The following TNIK variants were observed in gnomAD, a reference collection of about 807,000 sequenced individuals.
The protein encoded by TNIK is TRAF2 and NCK-interacting protein kinase.
TNIK carries 49 observed loss-of-function variants against 191.3 expected under a neutral mutation model. The observed-to-expected ratio is 0.26, with a 90% CI of 0.20 to 0.32. The LOEUF (loss-of-function observed/expected upper bound fraction) is 0.32. Among genes scored for constraint, TNIK ranks in the 10% least tolerant of loss-of-function variants. TNIK has a pLI of 1.00. For missense variants in TNIK, 1,155 were observed against 1,702.3 expected (o/e 0.68, Z 5.66); for synonymous variants, 594 against 600.9 (o/e 0.99, Z 0.17).
chr3:171,085,149 T>C lies in TNIK; in HGVS notation c.2967A>G (p.Glu989=), dbSNP rs752143722. Residue 989 remains glutamate, a synonymous_variant, in exon 25 of 33, where the codon GAA becomes GAG. Coordinates refer to ENST00000436636, the MANE Select transcript of TNIK (RefSeq NM_015028.4). ...PRVYQTSPTD[E]DEEDEESSAA... is the part of the protein sequence containing the mutation. ...CTGATGATTCCTCATCCTCTTCATC[T>C]TCATCAGTGGGAGACGTCTGGTATA... is the stretch of plus-strand genomic sequence containing the variant. 1 of 1,611,488 alleles carries C rather than the reference T, an allele frequency of 6.2e-7. No homozygotes were observed. The highest frequency in any genetic ancestry group is 1.1e-5 in the South Asian group (1 of 90,164).
chr3:171,427,365 CT>C (rs1478712954), intron 1 of TNIK, among the ~76,000 whole-genome samples: 1 of 152,076 alleles, frequency 6.6e-6, no homozygotes, highest in African/African-American at 2.4e-5. Context: ...GAGAAAAATC[CT>C]TCCTAACTTC....
chr3:171,205,128 G>A (rs1482770872), intron 4 of TNIK, among the ~76,000 whole-genome samples: 1 of 152,156 alleles, frequency 6.6e-6, no homozygotes, highest in Non-Finnish European at 1.5e-5. Context: ...TGAGTCAGAG[G>A]CCTTGGAATA....
chr3:171,355,701 C>G (rs1176195591), intron 2 of TNIK, among the ~76,000 whole-genome samples: 1 of 152,092 alleles, frequency 6.6e-6, no homozygotes, highest in Non-Finnish European at 1.5e-5. Context: ...ATAACTAAAA[C>G]CTGTAAGGAA....
At chr3:171,336,281 C>T (rs1355622036) in intron 2 of TNIK, among the ~76,000 whole-genome samples, 2 of 152,204 alleles carry the variant, frequency 1.3e-5, no homozygotes, top group Non-Finnish European at 2.9e-5. Context: ...TTCACACTAA[C>T]TTAAGGCCTT....
chr3:171,119,561 A>G (rs1560140881), intron 18 of TNIK, among the ~76,000 whole-genome samples: 1 of 152,234 alleles, frequency 6.6e-6, no homozygotes, highest in Non-Finnish European at 1.5e-5. Flanking sequence ...TCCAACAATG[A>G]TAGACTGGAT....
At chr3:171,146,911 A>AG (rs1414513771) in intron 12 of TNIK, among the ~76,000 whole-genome samples, 3,385 of 149,876 alleles carry the variant, frequency 0.023, 139 homozygotes, top group African/African-American at 0.073. Flanking sequence ...AAAAAAAAAA[A>AG]AAGTGACGAA....
At chr3:171,209,599 G>A (rs1233043924) in intron 4 of TNIK, among the ~76,000 whole-genome samples, 2 of 151,930 alleles carry the variant, frequency 1.3e-5, no homozygotes, top group African/African-American at 2.4e-5. Flanking sequence ...ACTTTTATAT[G>A]TTGAATCTTC....
chr3:171,085,144 T>A lies in TNIK; in HGVS notation c.2972A>T (p.Glu991Val). The A allele has an allele frequency of 1.9e-6, 3 of 1,610,976 alleles. No individual in the cohort carries two copies. Among genetic ancestry groups the A allele is most frequent in the Non-Finnish European group, 2.5e-6 (3 of 1,178,634 alleles). Residue 991 changes from glutamate (E) to valine (V), a missense_variant, in exon 25 of 33, where the codon GAA becomes GTA. Physicochemically the swap from Glu to Val is moderately radical, Grantham distance 121 (BLOSUM62 -2). Coordinates refer to ENST00000436636, the MANE Select transcript of TNIK (RefSeq NM_015028.4). ...TGCGGCTGATGATTCCTCATCCTCTTCATCTTCATCAGTGGGAGACGTCTG... is the reference window on the plus strand; with the variant it reads ...TGCGGCTGATGATTCCTCATCCTCTACATCTTCATCAGTGGGAGACGTCTG... Reference protein sequence around the residue: ...VYQTSPTDEDEEDEESSAAAL... With the variant: ...VYQTSPTDEDVEDEESSAAAL...
At chr3:171,327,808 C>G (rs750523061) in intron 2 of TNIK, among the ~76,000 whole-genome samples, 19 of 149,420 alleles carry the variant, frequency 1.3e-4, no homozygotes, top group Non-Finnish European at 2.1e-4. Context: ...ATCATCTTAG[C>G]CAGACCAAAC....
intron 2 of TNIK, among the ~76,000 whole-genome samples, chr3:171,305,255 G>C (rs1753329459): frequency 6.6e-6 from 1 of 152,044 alleles, no homozygotes; most frequent in Admixed American, 6.6e-5. Flanking sequence ...TGAGGAAAAG[G>C]CTACAATGAG....
At chr3:171,271,500 C>T (rs940945868) in intron 2 of TNIK, among the ~76,000 whole-genome samples, 1 of 152,198 alleles carries the variant, frequency 6.6e-6, no homozygotes, top group Non-Finnish European at 1.5e-5. Flanking sequence ...CCTGGAAACA[C>T]TTATGTCCAT....
chr3:171,306,507 T>C (rs1052684809), intron 2 of TNIK, among the ~76,000 whole-genome samples: 3 of 152,196 alleles, frequency 2.0e-5, no homozygotes, highest in Non-Finnish European at 4.4e-5. Context: ...AGGTTATAGA[T>C]GCCAGCTGCG....
In TNIK at chr3:171,058,947, A is replaced by G. The variant is rs1449915858; in HGVS notation, c.*4934T>C. On this transcript the variant is annotated 3_prime_UTR_variant, in exon 33 of 33. Transcript: ENST00000436636. Reference sequence around the variant, plus strand: ...TCCAAGGTTTCTTAAACATACCATAATAAGTATTACTATTCCTTAACATTT... The same window carrying G: ...TCCAAGGTTTCTTAAACATACCATAGTAAGTATTACTATTCCTTAACATTT... 6.6e-6 allele frequency among the ~76,000 whole-genome samples: 1 copy of G among 152,218 alleles called. No individual in the cohort carries two copies. Among genetic ancestry groups the G allele is most frequent in the African/African-American group, 2.4e-5 (1 of 41,466 alleles).
intron 5 of TNIK, among the ~76,000 whole-genome samples, chr3:171,191,219 TA>T (rs1346231710): frequency 6.6e-6 from 1 of 152,248 alleles, no homozygotes; most frequent in African/African-American, 2.4e-5. Context: ...ATTTAAAAGT[TA>T]AAATTTACAT....
chr3:171,213,887 G>T (rs1741157823), intron 3 of TNIK, among the ~76,000 whole-genome samples: 1 of 152,034 alleles, frequency 6.6e-6, no homozygotes, highest in African/African-American at 2.4e-5. Flanking sequence ...CCAGCATTTT[G>T]TGGTACTTAG....
chr3:171,156,060 C>A, intron 12 of TNIK, among the ~76,000 whole-genome samples: 1 of 152,216 alleles, frequency 6.6e-6, no homozygotes, highest in East Asian at 1.9e-4. Context: ...ACTTCCCTCC[C>A]TGAACCTCAG....
intron 1 of TNIK, among the ~76,000 whole-genome samples, chr3:171,397,068 T>A (rs1045778990): frequency 6.6e-6 from 1 of 151,850 alleles, no homozygotes; most frequent in African/African-American, 2.4e-5. Context: ...AGGCAAGGGG[T>A]AGAAGGAAAG....
intron 2 of TNIK, among the ~76,000 whole-genome samples, chr3:171,270,334 A>C (rs1748928691): frequency 6.6e-6 from 1 of 152,152 alleles, no homozygotes; most frequent in Admixed American, 6.5e-5. Context: ...ACTTAGGAAA[A>C]GGCTAGAAGA....
At chr3:171,404,621 C>T (rs2108585101) in intron 1 of TNIK, among the ~76,000 whole-genome samples, 1 of 152,082 alleles carries the variant, frequency 6.6e-6, no homozygotes, top group South Asian at 2.1e-4. Context: ...GCAGAGTATG[C>T]AGTTTAATTT....
Sources: gnomAD v4.1 joint callset for allele counts (sites outside exome capture counted in the v4.1 genomes callset) on GRCh38, gnomAD v4.1.1 for gene constraint, MANE v1.5 for transcripts, NCBI Gene and HGNC (gene_info 2026-07-23, HGNC 2026-07-21) for gene names.